The following POM121 variants were observed in gnomAD, a reference collection of about 807,000 sequenced individuals.
The protein encoded by POM121 is nuclear envelope pore membrane protein POM 121.
In POM121, 32 loss-of-function variants were observed where a neutral mutation model predicts 81.3. That is an observed-to-expected ratio of 0.39 (90% CI 0.30 to 0.53). POM121 has a LOEUF of 0.53. POM121 is among the 20% of genes least tolerant of loss of function. POM121 has a pLI of 0.66. For missense variants in POM121, 1,138 were observed against 1,614.6 expected (o/e 0.70, Z 5.06); for synonymous variants, 514 against 694.2 (o/e 0.74, Z 4.08).
intron 3 of POM121, among the ~76,000 whole-genome samples, chr7:72,913,331 T>C (rs1793985779): frequency 6.6e-6 from 1 of 152,264 alleles, no homozygotes; most frequent in South Asian, 2.1e-4. Context: ...CATAGCTGCC[T>C]CCGGCATCAG....
At chr7:72,897,064 A>G (rs1447686143) in intron 3 of POM121, among the ~76,000 whole-genome samples, 2 of 152,054 alleles carry the variant, frequency 1.3e-5, no homozygotes, top group African/African-American at 4.8e-5. Context: ...TTAGCCAGAA[A>G]TCGCTTGAAC....
chr7:72,935,886 A>T (rs2530511), intron 5 of POM121, among the ~76,000 whole-genome samples: 3 of 152,242 alleles, frequency 2.0e-5, no homozygotes, highest in Non-Finnish European at 2.9e-5. Context: ...CTGATTTTGT[A>T]TTCAGAAAGT....
In POM121 at chr7:72,931,892, T is replaced by C. The variant is rs186242373; in HGVS notation, c.1275+1781T>C. On this transcript the variant is annotated intron_variant, in intron 5 of 12. Coordinates refer to ENST00000434423, the MANE Select transcript of POM121 (RefSeq NM_001387691.1). ...GGCCCATGCAATTTCAAAATAGCGG[T>C]ATCAGTGTCATTGTTAACACTGTCA... Among the ~76,000 whole-genome samples, 907 of 152,278 alleles carry C rather than the reference T, an allele frequency of 6.0e-3. 10 individuals carry two copies. Among genetic ancestry groups the C allele is most frequent in the Non-Finnish European group, 1.0e-2 (678 of 68,018 alleles).
chr7:72,921,138 C>T (rs1183361349), upstream of POM121, among the ~76,000 whole-genome samples: 5 of 152,110 alleles, frequency 3.3e-5, no homozygotes, highest in Admixed American at 6.5e-5. Flanking sequence ...GAGCCGAGAT[C>T]GCGCCACTGC....
chr7:72,898,057 A>G (rs1348201051), intron 3 of POM121, among the ~76,000 whole-genome samples: 1 of 152,126 alleles, frequency 6.6e-6, no homozygotes, highest in Non-Finnish European at 1.5e-5. Context: ...AGATTTGCAG[A>G]TGCTTTGCAT....
chr7:72,938,388 G>A (rs1429812755), intron 5 of POM121, among the ~76,000 whole-genome samples: 12 of 151,892 alleles, frequency 7.9e-5, no homozygotes, highest in Non-Finnish European at 1.0e-4. Flanking sequence ...CAGGGGTCTC[G>A]CTATGTTACC....
intron 5 of POM121, among the ~76,000 whole-genome samples, chr7:72,936,943 G>A (rs1796568089): frequency 1.3e-5 from 2 of 151,872 alleles, no homozygotes; most frequent in African/African-American, 2.4e-5. Context: ...CACCGCACTC[G>A]GCCATCTATG....
chr7:72,944,745 C>T (rs1554502770), intron 11 of POM121, among the ~76,000 whole-genome samples: 1 of 151,240 alleles, frequency 6.6e-6, no homozygotes, highest in South Asian at 2.1e-4. Flanking sequence ...ATTCGGGAGC[C>T]GGAGCAGTTG....
Position 72,945,804 on chromosome 7 carries a change from A to G in POM121, c.3652+96A>G. On this transcript the variant is annotated intron_variant, in intron 12 of 12. Coordinates refer to ENST00000434423, the MANE Select transcript of POM121 (RefSeq NM_001387691.1). Reference sequence around the variant, plus strand: ...GGTCCTCTGAGGCCCGGTGAAGATCAGGTTCAGCACAGGAAAGACATTTCG... The same window carrying G: ...GGTCCTCTGAGGCCCGGTGAAGATCGGGTTCAGCACAGGAAAGACATTTCG... 3 of 1,503,940 alleles carry G rather than the reference A, an allele frequency of 2.0e-6. 1 individual carries two copies. Among genetic ancestry groups the G allele is most frequent in the Non-Finnish European group, 2.7e-6 (3 of 1,123,044 alleles). The allele number at this position is 1,503,940 out of a possible 1,614,324, so 93.2% of individuals were successfully genotyped here.
chr7:72,930,784 AG>A (rs1470258238), intron 5 of POM121, among the ~76,000 whole-genome samples: 5 of 152,164 alleles, frequency 3.3e-5, no homozygotes, highest in African/African-American at 1.2e-4. Flanking sequence ...TCTTGAGTCC[AG>A]GAGTTCAAGA....
chr7:72,914,846 G>T (rs1794147955), intron 4 of POM121, among the ~76,000 whole-genome samples: 1 of 152,136 alleles, frequency 6.6e-6, no homozygotes, highest in South Asian at 2.1e-4. Context: ...TCTGCTTCCA[G>T]AGTTGTCTCT....
intron 11 of POM121, among the ~76,000 whole-genome samples, chr7:72,945,300 C>A (rs1267083123): frequency 6.6e-6 from 1 of 152,064 alleles, no homozygotes; most frequent in East Asian, 1.9e-4. Flanking sequence ...CCAGAGTACT[C>A]CCCTCTGCAG....
intron 5 of POM121, among the ~76,000 whole-genome samples, chr7:72,935,381 C>T (rs1461777376): frequency 5.3e-5 from 8 of 152,154 alleles, no homozygotes; most frequent in Non-Finnish European, 8.8e-5. Context: ...CACTATGTTG[C>T]CTAGGCTGGT....
chr7:72,911,599 G>A (rs1369948279), intron 3 of POM121, among the ~76,000 whole-genome samples: 3 of 152,226 alleles, frequency 2.0e-5, no homozygotes, highest in Admixed American at 6.5e-5. Context: ...TGGCTCGTGC[G>A]ACCTCTCCAG....
At chr7:72,917,458 GA>G (rs1393954743) in intron 4 of POM121, among the ~76,000 whole-genome samples, 2 of 149,286 alleles carry the variant, frequency 1.3e-5, no homozygotes, top group African/African-American at 5.1e-5. Flanking sequence ...TGCTTTCCCA[GA>G]GGAATTCTCC....
chr7:72,937,932 TAAATTA>T (rs1796672539), intron 5 of POM121, among the ~76,000 whole-genome samples: 1 of 152,222 alleles, frequency 6.6e-6, no homozygotes, highest in African/African-American at 2.4e-5. Context: ...ATGAAGTTAG[TAAATTA>T]AAATAGAAAA....
chr7:72,886,702 G>A (rs1790752717), intron 1 of POM121, among the ~76,000 whole-genome samples: 1 of 152,006 alleles, frequency 6.6e-6, no homozygotes, highest in South Asian at 2.1e-4. Flanking sequence ...TTTCTCCACA[G>A]TGCTTTAAAT....
In POM121 at chr7:72,948,012, G is replaced by A. The variant is rs1797807220; in HGVS notation, c.*1778G>A. On this transcript the variant is annotated 3_prime_UTR_variant, in exon 13 of 13. Transcript: ENST00000434423. ...GATTGGAGGGTCTGGGTGGGCCTGG[G>A]CCTAGCAATCAAGCTTCTACCTGTA... 8.8e-7 allele frequency: 1 copy of A among 1,141,616 alleles called. No individual in the cohort carries two copies. 70.7% of individuals were successfully genotyped at this position (1,141,616 alleles called of 1,614,324 possible).
chr7:72,894,956 AG>A (rs1791791467), intron 3 of POM121, among the ~76,000 whole-genome samples: 1 of 152,110 alleles, frequency 6.6e-6, no homozygotes. Flanking sequence ...GCTTCCACAT[AG>A]CTGGGACTAC....
Sources: allele counts gnomAD v4.1 joint callset (sites outside exome capture counted in the v4.1 genomes callset), GRCh38; gene constraint gnomAD v4.1.1; transcripts MANE v1.5; gene names NCBI Gene and HGNC (gene_info 2026-07-23, HGNC 2026-07-21).